CC2D2B: variants seen among roughly 807,000 people sequenced by gnomAD.
CC2D2B encodes protein CC2D2B.
Under a neutral mutation model 161.2 loss-of-function variants are expected in CC2D2B, and 128 were observed. The ratio of observed to expected loss-of-function variants is 0.79; its 90% confidence interval spans 0.69 to 0.92. The LOEUF (loss-of-function observed/expected upper bound fraction) is 0.92, where lower values mean the gene tolerates loss of function less well. Among genes scored for constraint, CC2D2B ranks in the 40% least tolerant of loss-of-function variants. The probability of loss-of-function intolerance (pLI) is 0.00; values close to 1 mark genes in which losing one functional copy is unlikely to be tolerated. For synonymous variants in CC2D2B, 391 were observed against 449.8 expected, an observed-to-expected ratio of 0.87 and a Z score of 1.65; for missense variants, 1,173 against 1,375.1, an observed-to-expected ratio of 0.85 and a Z score of 2.32.
intron 2 of CC2D2B, among the ~76,000 whole-genome samples, chr10:95,921,781 A>T (rs1009260137): frequency 2.2e-5 from 3 of 134,104 alleles, no homozygotes; most frequent in African/African-American, 8.3e-5. Context: ...GGCACATCAC[A>T]CGCCAGGGCC....
At chr10:95,962,115 CATATATATAT>C (rs57738249) in intron 12 of CC2D2B, 146 bp downstream of exon 12, 1 of 293,288 alleles carries the variant, frequency 3.4e-6, no homozygotes, top group African/African-American at 2.2e-5. Context: ...AATACATAAA[CATATATATAT>C]ATATATATGC....
chr10:95,922,731 T>C (rs962455223), intron 3 of CC2D2B, among the ~76,000 whole-genome samples: 2 of 152,212 alleles, frequency 1.3e-5, no homozygotes, highest in Admixed American at 1.3e-4. Context: ...GCATGATCTC[T>C]TTCATTCCAT....
rs575746642 is a variant in CC2D2B, at chr10:96,012,583, T to C, written c.3280T>C (p.Cys1094Arg). 6.2e-7 allele frequency: 1 copy of C among 1,613,362 alleles called. No individual in the cohort carries two copies. Among genetic ancestry groups the C allele is most frequent in the African/African-American group, 1.3e-5 (1 of 75,026 alleles). Reference protein sequence around the residue: ...LQRAQIFKKNCKAMFPNRRIV... With the variant: ...LQRAQIFKKNRKAMFPNRRIV... ...GAGAGCACAGATTTTTAAAAAGAAT[T>C]GTAAGGCAATGTTTCCCAACCGAAG... Residue 1094 changes from cysteine (C) to arginine (R), a missense_variant, in exon 28 of 35, where the codon TGT becomes CGT. By Grantham distance (180) the Cys-to-Arg change is radical. Around this residue, in one of 3 missense-constraint regions of CC2D2B, gnomAD observed 598 missense variants for 693.2 expected, o/e 0.86. Coordinates refer to ENST00000646931, the MANE Select transcript of CC2D2B (RefSeq NM_001349008.3).
chr10:95,992,899 C>T (rs2078010766), intron 22 of CC2D2B: 1 of 369,092 alleles, frequency 2.7e-6, no homozygotes, highest in South Asian at 1.4e-4. Flanking sequence ...TCGAGATTCC[C>T]AGAGTAACTT....
intron 9 of CC2D2B, among the ~76,000 whole-genome samples, chr10:95,943,467 T>C (rs2076092173): frequency 1.3e-5 from 2 of 152,286 alleles, no homozygotes; most frequent in South Asian, 2.1e-4. Flanking sequence ...TCTTTTAATA[T>C]AGGAATTTGG....
intron 19 of CC2D2B, among the ~76,000 whole-genome samples, chr10:95,987,699 T>G (rs1590757671): frequency 6.6e-6 from 1 of 152,202 alleles, no homozygotes; most frequent in African/African-American, 2.4e-5. Context: ...CATTAACTAC[T>G]TAGTATATGC....
At chr10:95,961,768 C>T in intron 11 of CC2D2B, 61 bp from the exon 12 acceptor site, 1 of 1,037,560 alleles carries the variant, frequency 9.6e-7, no homozygotes, top group Non-Finnish European at 1.2e-6. Context: ...TTCCATGCCA[C>T]TTTTGAAGGC....
chr10:95,950,831 T>C (rs1315385738), intron 10 of CC2D2B, among the ~76,000 whole-genome samples: 1 of 152,144 alleles, frequency 6.6e-6, no homozygotes, highest in Non-Finnish European at 1.5e-5. Context: ...CTTTTTTTTT[T>C]CTTTTTGAGA....
intron 10 of CC2D2B, chr10:95,950,610 T>G (rs567927180): frequency 1.3e-5 from 2 of 152,192 alleles, no homozygotes; most frequent in Non-Finnish European, 2.9e-5. Context: ...TTTTCTGATA[T>G]ATGAGCATTT....
intron 32 of CC2D2B, 43 bp from the exon 33 acceptor site, chr10:96,024,810 C>A: frequency 8.5e-7 from 1 of 1,172,486 alleles, no homozygotes; most frequent in Non-Finnish European, 1.2e-6. Flanking sequence ...GTGATGTAAA[C>A]ATGGTCTCTA....
At chr10:95,915,641 C>T (rs2098514776) in intron 2 of CC2D2B, among the ~76,000 whole-genome samples, 1 of 152,134 alleles carries the variant, frequency 6.6e-6, no homozygotes, top group Non-Finnish European at 1.5e-5. Flanking sequence ...AATGCTTTTT[C>T]AGCATCAATT....
At chr10:95,987,047 G>A (rs939386035) in intron 19 of CC2D2B, among the ~76,000 whole-genome samples, 2 of 152,098 alleles carry the variant, frequency 1.3e-5, no homozygotes, top group Non-Finnish European at 1.5e-5. Context: ...ATATGAGGCC[G>A]GGTATGGTGG....
At chr10:95,909,411 A>G (rs545982557) in intron 1 of CC2D2B, among the ~76,000 whole-genome samples, 21 of 152,366 alleles carry the variant, frequency 1.4e-4, no homozygotes, top group African/African-American at 4.6e-4. Flanking sequence ...AATTCTGGAC[A>G]TAGCATCCTA....
intron 34 of CC2D2B, among the ~76,000 whole-genome samples, chr10:96,031,211 A>G (rs905187975): frequency 6.6e-6 from 1 of 152,202 alleles, no homozygotes; most frequent in East Asian, 1.9e-4. Flanking sequence ...GAAAACAGGT[A>G]ATTGCAACAT....
intron 2 of CC2D2B, among the ~76,000 whole-genome samples, chr10:95,914,414 T>C (rs989783371): frequency 6.6e-6 from 1 of 152,178 alleles, no homozygotes; most frequent in African/African-American, 2.4e-5. Context: ...GTGGTATGGT[T>C]TGGCTTTTAG....
rs1458828900 is a variant in CC2D2B at position 96,032,673 on chromosome 10, A to G, written c.*665A>G. 2.7e-5 allele frequency: 11 copies of G among 409,142 alleles called. No homozygotes were observed. Among genetic ancestry groups the G allele is most frequent in the Admixed American group, 2.1e-4 (7 of 33,464 alleles). The allele number at this position is 409,142 out of a possible 1,614,324, so 25.3% of individuals were successfully genotyped here. On this transcript the variant is annotated 3_prime_UTR_variant, in exon 35 of 35. Coordinates refer to ENST00000646931, the MANE Select transcript of CC2D2B (RefSeq NM_001349008.3). ...AAAGAAAAATAAAATAAAATCTACCATGTTGGGCTGATGTTGGCTTCTGGA... is the reference window on the plus strand; with the variant it reads ...AAAGAAAAATAAAATAAAATCTACCGTGTTGGGCTGATGTTGGCTTCTGGA...
chr10:96,019,179 ATTAC>A lies in CC2D2B; in HGVS notation c.3631-21_3631-18del, dbSNP rs1277441517. The A allele has an allele frequency of 6.5e-7, 1 of 1,546,884 alleles. No individual in the cohort carries two copies. The highest frequency in any genetic ancestry group is 1.4e-5 in the African/African-American group (1 of 71,658). The stretch of plus-strand genomic sequence containing the variant: ...TAGAAATTATTTAAATCCACCAAAA[ATTAC>A]TTTCTTTTTTCTCATACAGGGGCAT... On this transcript the variant is annotated intron_variant, in intron 30 of 34. Transcript: ENST00000646931.
At position 96,025,170 on chromosome 10, in the gene CC2D2B, T is replaced by A. The variant is rs1446713786; in HGVS notation, c.3947+259T>A. Among the ~76,000 whole-genome samples, 64 of 19,284 alleles carry A rather than the reference T, an allele frequency of 3.3e-3. 2 individuals are homozygous for A. The highest frequency in any genetic ancestry group is 0.011 in the African/African-American group (54 of 4,722). The allele number at this position is 19,284 out of a possible 152,430, so 12.7% of individuals were successfully genotyped here. On this transcript the variant is annotated intron_variant, in intron 33 of 34. Coordinates refer to ENST00000646931, the MANE Select transcript of CC2D2B (RefSeq NM_001349008.3). ...CTAAAAAAAAATATATATATATATA[T>A]ATATATATATATATAAAAAAAAATA...
chr10:96,004,437 A>G (rs72821977), intron 25 of CC2D2B, among the ~76,000 whole-genome samples, 189 bp downstream of exon 25: 2,301 of 152,368 alleles, frequency 0.015, 23 homozygotes, highest in Middle Eastern at 0.061. Flanking sequence ...AACAGAGATC[A>G]TAAACCACAT....
Sources: allele counts gnomAD v4.1 joint callset (sites outside exome capture counted in the v4.1 genomes callset), GRCh38; gene constraint gnomAD v4.1.1; regional missense constraint gnomAD v4.1.1; transcripts MANE v1.5; gene names NCBI Gene and HGNC (gene_info 2026-07-23, HGNC 2026-07-21).